The following PPL variants were observed in gnomAD, a reference collection of about 807,000 sequenced individuals.
PPL encodes the protein periplakin.
PPL carries 198 observed loss-of-function variants against 194.4 expected under a neutral mutation model. That is an observed-to-expected ratio of 1.02 (90% CI 0.91 to 1.15). The LOEUF (loss-of-function observed/expected upper bound fraction) is 1.15. Among genes scored for constraint, PPL ranks in the 50% most tolerant of loss-of-function variants. The pLI is 0.00. For missense variants in PPL, 2,885 were observed against 2,294.8 expected, an observed-to-expected ratio of 1.26 and a Z score of -5.25; for synonymous variants, 1,220 against 972.4, an observed-to-expected ratio of 1.25 and a Z score of -4.74.
At chr16:4,934,286 G>A (rs1386041972) in intron 1 of PPL, among the ~76,000 whole-genome samples, 1 of 152,074 alleles carries the variant, frequency 6.6e-6, no homozygotes, top group Non-Finnish European at 1.5e-5. Flanking sequence ...CAGACAAACT[G>A]GAAGGGGTGG....
chr16:4,903,473 A>T (rs1568021042), intron 3 of PPL, among the ~76,000 whole-genome samples: 2 of 152,094 alleles, frequency 1.3e-5, no homozygotes, highest in African/African-American at 4.8e-5. Context: ...TAATCCCAGC[A>T]CTTTGGGAGG....
chr16:4,928,175 C>G (rs533048143), intron 1 of PPL, among the ~76,000 whole-genome samples: 202 of 152,374 alleles, frequency 1.3e-3, no homozygotes, highest in African/African-American at 4.7e-3. Context: ...CAGAGTCTTG[C>G]TCTGTTATTC....
rs747897734 is a variant in PPL, at chr16:4,890,889, G to T, written c.2001C>A (p.Ser667=). 2.6e-6 allele frequency: 4 copies of T among 1,539,904 alleles called. No individual in the cohort carries two copies. Among genetic ancestry groups the T allele is most frequent in the African/African-American group, 1.4e-5 (1 of 72,832 alleles). The stretch of plus-strand genomic sequence containing the variant: ...AGTTCTGCTCCACCTCACCCAGGAG[G>T]GACTTCTGGGCCTGTAACTCACAGG... ...AMACELQAQK[S]LLGEVEQNLQ... is the part of the protein sequence containing the mutation. Residue 667 remains serine (S), a synonymous_variant, in exon 17 of 22, where the codon TCC becomes TCA. Transcript: ENST00000345988.
rs2088756997 is a variant in PPL at position 4,908,764 on chromosome 16, C to T, written c.162+2086G>A. On this transcript the variant is annotated intron_variant, in intron 2 of 21. Coordinates refer to ENST00000345988, the MANE Select transcript of PPL (RefSeq NM_002705.5). ...CCATGTTGCTCAGGCTTGTCTGAAA[C>T]TCCTGGGCTCAGGTGATCTGCCTGC... Among the ~76,000 whole-genome samples the T allele has an allele frequency of 2.0e-5, 3 of 152,218 alleles. No individual in the cohort carries two copies. The South Asian group carries it at 6.2e-4, about 31-fold the overall frequency.
Position 4,885,676 on chromosome 16 carries a change from C to T in PPL, c.2979G>A (p.Val993=), listed in dbSNP as rs761139413. The change falls in exon 22 of 22, where the codon GTG becomes GTA. Residue 993 remains valine (V), a synonymous_variant. Coordinates refer to ENST00000345988, the MANE Select transcript of PPL (RefSeq NM_002705.5). This position sits in a 1 kb window ranked among gnomAD's most constrained non-coding sequence, Gnocchi z 6.3. ...QETRDGGQEY[V]VKEVLRIEPD... ...GCTCGATGCGCAGGACCTCCTTGAC[C>T]ACGTACTCCTGCCCCCCGTCTCTGG... The T allele has an allele frequency of 1.9e-6, 3 of 1,613,520 alleles. No individual in the cohort carries two copies. The highest frequency in any genetic ancestry group is 4.5e-5 in the East Asian group (2 of 44,834).
chr16:4,893,644 AG>A lies in PPL; in HGVS notation c.1395-7del. 2 of 1,578,596 alleles carry A rather than the reference AG, an allele frequency of 1.3e-6. No individual in the cohort carries two copies. The highest frequency in any genetic ancestry group is 1.7e-6 in the Non-Finnish European group (2 of 1,166,214). ...TCCGGTACTGGCTGCCCAGGCTGTG[AG>A]GACAGAAATGAGCTGGGAACCTGGG... On this transcript the variant is annotated splice_region_variant and splice_polypyrimidine_tract_variant and intron_variant, in intron 12 of 21. Transcript: ENST00000345988.
intron 12 of PPL, 30 bp downstream of exon 12, chr16:4,894,437 C>T (rs768956412): frequency 1.9e-5 from 31 of 1,611,676 alleles, no homozygotes; most frequent in Non-Finnish European, 1.9e-5. Flanking sequence ...TGGGACTGGT[C>T]CATGCAGACT....
rs771084324 is a variant in PPL, at chr16:4,888,176, A to G, written c.2440T>C (p.Leu814=). 5 of 1,613,660 alleles carry G rather than the reference A, an allele frequency of 3.1e-6. No homozygotes were observed. The highest frequency in any genetic ancestry group is 3.4e-6 in the Non-Finnish European group (4 of 1,179,668). ...ACGTGGCTTCTCCTTCCATTCTCCAAGTCGAGAAGAGACCTTAGTTTTTCT... is the reference window on the plus strand; with the variant it reads ...ACGTGGCTTCTCCTTCCATTCTCCAGGTCGAGAAGAGACCTTAGTTTTTCT... ...EAEKLRSLLD[L]ENGRRSHVSK... The change falls in exon 20 of 22, where the codon TTG becomes CTG. Residue 814 remains leucine (L), a synonymous_variant. Coordinates refer to ENST00000345988, the MANE Select transcript of PPL (RefSeq NM_002705.5).
At chr16:4,898,165 G>C (rs1345512378) in intron 8 of PPL, among the ~76,000 whole-genome samples, 2 of 152,220 alleles carry the variant, frequency 1.3e-5, no homozygotes, top group Non-Finnish European at 2.9e-5. Context: ...ATCACCTGAG[G>C]TCAGGAGTTT....
At position 4,932,025 on chromosome 16, in the gene PPL, T is replaced by C. The variant is rs141119433; in HGVS notation, c.62+4959A>G. Among the ~76,000 whole-genome samples the C allele has an allele frequency of 3.5e-3, 530 of 152,302 alleles. 4 individuals carry two copies. The highest frequency in any genetic ancestry group is 0.012 in the African/African-American group (506 of 41,560). On this transcript the variant is annotated intron_variant, in intron 1 of 21. Coordinates refer to ENST00000345988, the MANE Select transcript of PPL (RefSeq NM_002705.5). ...AGCACAAACACCAATGACTCTACCATTTGGCCTGGAGCAGTCCCCAGGCAC... is the reference window on the plus strand; with the variant it reads ...AGCACAAACACCAATGACTCTACCACTTGGCCTGGAGCAGTCCCCAGGCAC...
Position 4,925,753 on chromosome 16 carries a change from C to A in PPL, c.62+11231G>T, listed in dbSNP as rs370100582. On this transcript the variant is annotated intron_variant, in intron 1 of 21. Transcript: ENST00000345988. ...GCTGGGAAGTGGTGGTGCCAAGATT[C>A]GAACCCATGAAGACGGGCTTCAAAA... Among the ~76,000 whole-genome samples the A allele has an allele frequency of 9.9e-5, 15 of 152,214 alleles. No homozygotes were observed. In the South Asian group the frequency reaches 3.1e-3, roughly 32 times the overall value.
chr16:4,900,801 T>A (rs779086909), intron 6 of PPL, 29 bp downstream of exon 6: 209 of 1,613,850 alleles, frequency 1.3e-4, no homozygotes, highest in Admixed American at 1.8e-4. Context: ...CCTCTCCCCA[T>A]GAGGCCTTTC....
Position 4,902,106 on chromosome 16 carries a change from C to T in PPL, c.438+300G>A, listed in dbSNP as rs557713008. On this transcript the variant is annotated intron_variant, in intron 4 of 21. Transcript: ENST00000345988. This position sits in a 1 kb window ranked among gnomAD's most constrained non-coding sequence, Gnocchi z 4.0. ...GGCCGCTTCCGCCCCAGCCTGCCCA[C>T]AAAATGTCACCAAGACCCCAACATG... Among the ~76,000 whole-genome samples the T allele has an allele frequency of 3.9e-4, 59 of 152,316 alleles. No individual in the cohort carries two copies. Among genetic ancestry groups the T allele is most frequent in the African/African-American group, 1.4e-3 (59 of 41,568 alleles).
chr16:4,936,455 C>T (rs896326508), intron 1 of PPL, among the ~76,000 whole-genome samples: 1 of 152,198 alleles, frequency 6.6e-6, no homozygotes, highest in Non-Finnish European at 1.5e-5. Flanking sequence ...CCTCGCCTCC[C>T]CGACGCCAGG....
At chr16:4,920,237 T>C (rs377322543) in intron 1 of PPL, among the ~76,000 whole-genome samples, 7 of 150,516 alleles carry the variant, frequency 4.7e-5, no homozygotes, top group East Asian at 3.9e-4. Context: ...TGAGCTGAGA[T>C]TGAGTCACTG....
Position 4,889,107 on chromosome 16 carries a change from T to G in PPL, c.2314-46A>C, listed in dbSNP as rs1318870595. ...ATCAAAACTAACCAGAAAAAAAATTTAAAAAAGCAACCATGGATGCAGTAG... is the reference window on the plus strand; with the variant it reads ...ATCAAAACTAACCAGAAAAAAAATTGAAAAAAGCAACCATGGATGCAGTAG... On this transcript the variant is annotated intron_variant, in intron 18 of 21. Coordinates refer to ENST00000345988, the MANE Select transcript of PPL (RefSeq NM_002705.5). 2.0e-6 allele frequency: 3 copies of G among 1,528,288 alleles called. No homozygotes were observed. The African/African-American group carries it at 4.1e-5, about 21-fold the overall frequency. 94.7% of individuals were successfully genotyped at this position (1,528,288 alleles called of 1,614,324 possible).
chr16:4,931,679 G>A (rs1342549172), intron 1 of PPL, among the ~76,000 whole-genome samples: 3 of 152,208 alleles, frequency 2.0e-5, no homozygotes, highest in East Asian at 3.9e-4. Context: ...TTCCCCAGAC[G>A]AGGAGCTTTG....
Position 4,902,631 on chromosome 16 carries a change from G to C in PPL, c.318-105C>G, listed in dbSNP as rs2088599255. 1 of 1,311,846 alleles carries C rather than the reference G, an allele frequency of 7.6e-7. No individual in the cohort carries two copies. The highest frequency in any genetic ancestry group is 1.0e-6 in the Non-Finnish European group (1 of 954,724). 81.3% of individuals were successfully genotyped at this position (1,311,846 alleles called of 1,614,324 possible). ...GGCCTCAGTGTCCTGGAAGGACACA[G>C]TGACCATATGGCCTTGGGTTCCAGA... On this transcript the variant is annotated intron_variant, in intron 3 of 21. Coordinates refer to ENST00000345988, the MANE Select transcript of PPL (RefSeq NM_002705.5). The surrounding 1 kb of genome is among the most constrained non-coding windows in gnomAD (Gnocchi z 4.0).
chr16:4,891,660 G>T, intron 16 of PPL, 151 bp downstream of exon 16: 1 of 914,088 alleles, frequency 1.1e-6, no homozygotes, highest in South Asian at 1.7e-5. Flanking sequence ...GATTTGTGCT[G>T]TGGGCCTCCA....
Sources: allele counts gnomAD v4.1 joint callset (sites outside exome capture counted in the v4.1 genomes callset), GRCh38; gene constraint gnomAD v4.1.1; non-coding constraint Gnocchi (gnomAD v3.1); transcripts MANE v1.5; gene names NCBI Gene and HGNC (gene_info 2026-07-23, HGNC 2026-07-21).